The following TMEM178A variants were observed in gnomAD, a reference collection of about 807,000 sequenced individuals.
TMEM178A encodes the protein transmembrane protein 178A, also known as transmembrane protein 178.
TMEM178A carries 12 observed loss-of-function variants against 29.1 expected under a neutral mutation model. That is an observed-to-expected ratio of 0.41 (90% CI 0.26 to 0.67). The LOEUF is 0.67. TMEM178A is among the 30% of genes least tolerant of loss of function. The pLI, the probability that TMEM178A is intolerant of heterozygous loss-of-function variation, is 0.29. For synonymous variants in TMEM178A, 210 were observed against 187.2 expected (o/e 1.12, Z -0.99); for missense variants, 366 against 419.1 (o/e 0.87, Z 1.11).
At chr2:39,676,576 G>A (rs77496704) in intron 1 of TMEM178A, among the ~76,000 whole-genome samples, 3,837 of 152,322 alleles carry the variant, frequency 0.025, 79 homozygotes, top group Non-Finnish European at 0.042. Context: ...TCCCGGGCAA[G>A]TGGAATGGAC....
At chr2:39,675,610 T>C (rs932134916) in intron 1 of TMEM178A, among the ~76,000 whole-genome samples, 1 of 152,198 alleles carries the variant, frequency 6.6e-6, no homozygotes. Flanking sequence ...TTTGGAAATC[T>C]GTGGCATGGG....
the TMEM178A span, among the ~76,000 whole-genome samples, chr2:39,725,400 T>C: frequency 2.0e-5 from 3 of 152,164 alleles, no homozygotes; most frequent in African/African-American, 4.8e-5. Flanking sequence ...CTAGTAACGA[T>C]TGAGGAGCTG....
downstream of TMEM178A, among the ~76,000 whole-genome samples, chr2:39,721,231 A>C (rs1415371944): frequency 6.6e-6 from 1 of 152,246 alleles, no homozygotes; most frequent in African/African-American, 2.4e-5. Flanking sequence ...CAGGGCACCC[A>C]GTTGCATACT....
In TMEM178A at chr2:39,666,055, C is replaced by T. The variant is rs1329838620; in HGVS notation, c.81C>T (p.Phe27=). The T allele has an allele frequency of 1.3e-6, 2 of 1,564,658 alleles. No individual in the cohort carries two copies. The highest frequency in any genetic ancestry group is 2.6e-5 in the East Asian group (1 of 38,464). The change falls in exon 1 of 4, where the codon TTC becomes TTT. Residue 27 remains phenylalanine, a synonymous_variant. Coordinates refer to ENST00000281961, the MANE Select transcript of TMEM178A (RefSeq NM_152390.3). Reference sequence around the variant, plus strand: ...TGGGGCTGCTCGTCACGGCCATCTTCACCGACCACTGGTACGAGACCGACC... The same window carrying T: ...TGGGGCTGCTCGTCACGGCCATCTTTACCGACCACTGGTACGAGACCGACC... ...CSLGLLVTAI[F]TDHWYETDPR...
At chr2:39,699,224 C>A (rs1671679609) in intron 1 of TMEM178A, among the ~76,000 whole-genome samples, 1 of 151,308 alleles carries the variant, frequency 6.6e-6, no homozygotes, top group Non-Finnish European at 1.5e-5. Flanking sequence ...ATGGGGTTTT[C>A]CTCTGTTGGC....
At chr2:39,726,342 G>T in the TMEM178A span, among the ~76,000 whole-genome samples, 1 of 152,178 alleles carries the variant, frequency 6.6e-6, no homozygotes, top group Admixed American at 6.5e-5. Flanking sequence ...TGTCCAGGAA[G>T]GGTAGATAGC....
At chr2:39,709,267 C>T (rs1672198083) in intron 3 of TMEM178A, among the ~76,000 whole-genome samples, 1 of 152,196 alleles carries the variant, frequency 6.6e-6, no homozygotes. Context: ...AACTCCCACT[C>T]ACCCCTATCC....
chr2:39,702,427 C>G (rs1671823771), intron 1 of TMEM178A, among the ~76,000 whole-genome samples: 1 of 152,072 alleles, frequency 6.6e-6, no homozygotes, highest in Non-Finnish European at 1.5e-5. Context: ...GCTTTCACTT[C>G]CTGCTTACAG....
At chr2:39,727,329 C>A in the TMEM178A span, among the ~76,000 whole-genome samples, 4 of 152,122 alleles carry the variant, frequency 2.6e-5, no homozygotes, top group African/African-American at 9.7e-5. Flanking sequence ...AGCAAATGAA[C>A]AAATGAATAA....
At chr2:39,676,520 C>T (rs952321792) in intron 1 of TMEM178A, among the ~76,000 whole-genome samples, 14 of 152,192 alleles carry the variant, frequency 9.2e-5, no homozygotes, top group Admixed American at 7.2e-4. Flanking sequence ...GACTTCCCAC[C>T]GGTCTCATTG....
Position 39,666,156 on chromosome 2 carries a change from C to G in TMEM178A, c.182C>G (p.Pro61Arg). ...CCGGACCAGAAGAACCGCCTGATGC[C>G]GCTGTCGCACCTGCCGCTGCGGGAC... ...DPPDQKNRLMPLSHLPLRDSP... is the reference protein window; with the variant it reads ...DPPDQKNRLMRLSHLPLRDSP... The change falls in exon 1 of 4, where the codon CCG becomes CGG. Residue 61 changes from proline to arginine, a missense_variant. Coordinates refer to ENST00000281961, the MANE Select transcript of TMEM178A (RefSeq NM_152390.3). The G allele has an allele frequency of 2.7e-6, 4 of 1,502,136 alleles. No individual in the cohort carries two copies. The highest frequency in any genetic ancestry group is 3.5e-6 in the Non-Finnish European group (4 of 1,131,766). The allele number at this position is 1,502,136 out of a possible 1,614,324, so 93.1% of individuals were successfully genotyped here. A position where few individuals can be genotyped will look rare whatever the true frequency, so the allele number is the denominator to read the frequency against.
intron 2 of TMEM178A, among the ~76,000 whole-genome samples, chr2:39,705,305 A>C (rs1671975727): frequency 6.6e-6 from 1 of 152,250 alleles, no homozygotes; most frequent in Non-Finnish European, 1.5e-5. Flanking sequence ...GATCTGTAGC[A>C]CATTTACTAT....
chr2:39,672,645 C>G lies in TMEM178A; in HGVS notation c.400+6271C>G, dbSNP rs565152663. ...TCAGGTTATCAGGTGATCCTTTCAC[C>G]TCAGCCTCCCAAGTAGCTGGGACTA... On this transcript the variant is annotated intron_variant, in intron 1 of 3. Coordinates refer to ENST00000281961, the MANE Select transcript of TMEM178A (RefSeq NM_152390.3). Among the ~76,000 whole-genome samples, 8 of 152,078 alleles carry G rather than the reference C, an allele frequency of 5.3e-5. No individual in the cohort carries two copies. The South Asian group carries it at 1.7e-3, about 32-fold the overall frequency.
At chr2:39,724,531 A>T in the TMEM178A span, among the ~76,000 whole-genome samples, 1 of 152,210 alleles carries the variant, frequency 6.6e-6, no homozygotes, top group Admixed American at 6.5e-5. Flanking sequence ...CAATAAAATA[A>T]AACCATCTGA....
In TMEM178A at chr2:39,666,181, C is replaced by G; in HGVS notation, c.207C>G (p.Asp69Glu). Residue 69 changes from aspartate (D) to glutamate (E), a missense_variant, in exon 1 of 4, where the codon GAC becomes GAG. Coordinates refer to ENST00000281961, the MANE Select transcript of TMEM178A (RefSeq NM_152390.3). ...CGCTGTCGCACCTGCCGCTGCGGGA[C>G]TCGCCCCCGCTGGGGCGCCGGCTGC... ...LMPLSHLPLR[D>E]SPPLGRRLLP... 1 of 1,464,656 alleles carries G rather than the reference C, an allele frequency of 6.8e-7. No homozygotes were observed. Among genetic ancestry groups the G allele is most frequent in the Non-Finnish European group, 9.0e-7 (1 of 1,112,006 alleles). 90.7% of individuals were successfully genotyped at this position (1,464,656 alleles called of 1,614,324 possible). A position where few individuals can be genotyped will look rare whatever the true frequency, so the allele number is the denominator to read the frequency against.
At chr2:39,729,098 A>C in the TMEM178A span, among the ~76,000 whole-genome samples, 1 of 152,194 alleles carries the variant, frequency 6.6e-6, no homozygotes, top group Admixed American at 6.5e-5. Context: ...ATTAAAAAAA[A>C]ATTAGAATGC....
chr2:39,688,885 A>T (rs1012664830), intron 1 of TMEM178A, among the ~76,000 whole-genome samples: 3 of 152,202 alleles, frequency 2.0e-5, no homozygotes. Flanking sequence ...CTTGCTATGT[A>T]TCTATAACAT....
intron 1 of TMEM178A, among the ~76,000 whole-genome samples, chr2:39,668,400 T>C (rs1417209549): frequency 6.6e-6 from 1 of 152,216 alleles, no homozygotes; most frequent in African/African-American, 2.4e-5. Context: ...AGCTAATCTT[T>C]TGTGTAGAAC....
chr2:39,669,544 T>C (rs1028107088), intron 1 of TMEM178A, among the ~76,000 whole-genome samples: 20 of 152,206 alleles, frequency 1.3e-4, no homozygotes, highest in Admixed American at 1.2e-3. Flanking sequence ...CACACTCTTA[T>C]TATGATACAA....
Sources: gnomAD v4.1 joint callset for allele counts (sites outside exome capture counted in the v4.1 genomes callset) on GRCh38, gnomAD v4.1.1 for gene constraint, MANE v1.5 for transcripts, NCBI Gene and HGNC (gene_info 2026-07-23, HGNC 2026-07-21) for gene names.